ABI3BP: variants seen among roughly 807,000 people sequenced by gnomAD.
ABI3BP encodes the protein ABI family member 3 binding protein, also known as target of Nesh-SH3.
A neutral mutation model predicts 268.6 loss-of-function variants in ABI3BP; 216 were observed. The ratio of observed to expected loss-of-function variants is 0.80; its 90% confidence interval spans 0.72 to 0.90. The LOEUF (loss-of-function observed/expected upper bound fraction) is 0.90. ABI3BP is among the 40% of genes least tolerant of loss of function. The pLI is 0.00. For missense variants in ABI3BP, 2,090 were observed against 2,182.4 expected (o/e 0.96, Z 0.84); for synonymous variants, 730 against 730.0 (o/e 1.00, Z 0.00).
intron 1 of ABI3BP, among the ~76,000 whole-genome samples, chr3:100,963,504 C>T (rs139592449): frequency 1.2e-4 from 19 of 152,300 alleles, no homozygotes; most frequent in African/African-American, 2.4e-4. Flanking sequence ...TCAGCTACTA[C>T]GATAGACTCT....
chr3:100,931,884 G>T (rs1190678691), intron 1 of ABI3BP, among the ~76,000 whole-genome samples: 1 of 151,854 alleles, frequency 6.6e-6, no homozygotes, highest in Non-Finnish European at 1.5e-5. Flanking sequence ...CCACAAAACA[G>T]CCCAAGTAGC....
intron 9 of ABI3BP, among the ~76,000 whole-genome samples, chr3:100,871,454 C>T (rs1183782855): frequency 6.6e-6 from 1 of 152,046 alleles, no homozygotes; most frequent in Non-Finnish European, 1.5e-5. Context: ...TGGCTGTGTC[C>T]CCACAAATCT....
chr3:100,908,002 A>G (rs2713761), intron 2 of ABI3BP, among the ~76,000 whole-genome samples: 151,846 of 151,884 alleles, frequency 1, 75,904 homozygotes, highest in Non-Finnish European at 1. Flanking sequence ...TGTTGTCCCA[A>G]CTACTCGGGA....
intron 51 of ABI3BP, among the ~76,000 whole-genome samples, chr3:100,798,899 C>T (rs1023041665): frequency 4.6e-5 from 7 of 152,112 alleles, no homozygotes; most frequent in African/African-American, 1.7e-4. Context: ...TTCCTTTATT[C>T]TAACCTTGTA....
chr3:100,855,940 C>CA (rs1010659126), intron 14 of ABI3BP, among the ~76,000 whole-genome samples: 1 of 152,140 alleles, frequency 6.6e-6, no homozygotes, highest in Non-Finnish European at 1.5e-5. Context: ...ATATTGCCTG[C>CA]AAGAAAATAT....
chr3:100,862,716 C>G, intron 13 of ABI3BP, 122 bp downstream of exon 13: 1 of 678,768 alleles, frequency 1.5e-6, no homozygotes, highest in Non-Finnish European at 2.3e-6. Flanking sequence ...TCAAATCAAC[C>G]ATTTGTTTGC....
intron 1 of ABI3BP, among the ~76,000 whole-genome samples, chr3:100,964,459 G>A (rs1292904240): frequency 6.6e-6 from 1 of 152,134 alleles, no homozygotes; most frequent in East Asian, 1.9e-4. Context: ...TCTCTATGGA[G>A]AGCGCTGTTG....
rs1553708523 is a variant in ABI3BP, at chr3:100,749,318, C to CAA, written c.*1175_*1176dup. Reference sequence around the variant, plus strand: ...ATACTGATGAACCATTCAGAAATAACAAACAAAAACTCAATCTTAAAAAAA... The same window carrying CAA: ...ATACTGATGAACCATTCAGAAATAACAAAAACAAAAACTCAATCTTAAAAAAA... On this transcript the variant is annotated 3_prime_UTR_variant, in exon 68 of 68. Coordinates refer to ENST00000471714, the MANE Select transcript of ABI3BP (RefSeq NM_001375547.2). 2.6e-4 allele frequency: 17 copies of CAA among 65,014 alleles called. No individual in the cohort carries two copies. The highest frequency in any genetic ancestry group is 3.3e-4 in the Non-Finnish European group (12 of 36,418). The allele number at this position is 65,014 out of a possible 1,614,324, so 4.0% of individuals were successfully genotyped here.
intron 66 of ABI3BP, 93 bp from the exon 67 acceptor site, chr3:100,751,767 C>T (rs1394257189): frequency 2.3e-6 from 3 of 1,288,294 alleles, no homozygotes; most frequent in Non-Finnish European, 3.1e-6. Context: ...GTACTTTCTC[C>T]CCTCATTCTC....
At chr3:100,914,468 A>G (rs2057900602) in intron 2 of ABI3BP, 1 of 455,064 alleles carries the variant, frequency 2.2e-6, no homozygotes, top group Admixed American at 2.4e-5. Flanking sequence ...CAATGCAAAA[A>G]TGACTAGGAA....
At chr3:100,991,898 T>A (rs2092993314) in intron 1 of ABI3BP, among the ~76,000 whole-genome samples, 1 of 152,206 alleles carries the variant, frequency 6.6e-6, no homozygotes, top group Non-Finnish European at 1.5e-5. Context: ...AAGTTGCACC[T>A]ATATCATCCC....
intron 44 of ABI3BP, among the ~76,000 whole-genome samples, chr3:100,814,573 GA>G (rs2097958880): frequency 6.6e-6 from 1 of 152,064 alleles, no homozygotes. Context: ...CTCATAGGAG[GA>G]AATTGCTCTA....
intron 66 of ABI3BP, 128 bp from the exon 67 acceptor site, chr3:100,751,802 T>C (rs1375691903): frequency 1.1e-6 from 1 of 915,356 alleles, no homozygotes; most frequent in Non-Finnish European, 1.5e-6. Flanking sequence ...AAACCAACAA[T>C]GTTTCTTGCC....
intron 1 of ABI3BP, among the ~76,000 whole-genome samples, chr3:100,938,038 C>A (rs1443904783): frequency 6.6e-6 from 1 of 151,986 alleles, no homozygotes; most frequent in African/African-American, 2.4e-5. Context: ...GGTAAACGAA[C>A]ACAAGAACAG....
chr3:100,845,156 T>G (rs1396413276), intron 20 of ABI3BP, among the ~76,000 whole-genome samples: 1 of 152,222 alleles, frequency 6.6e-6, no homozygotes, highest in African/African-American at 2.4e-5. Context: ...ACAGCATAGT[T>G]ACTACTCTAT....
At chr3:100,886,094 GA>G (rs778348136) in intron 5 of ABI3BP, 47 bp downstream of exon 5, 31 of 1,450,712 alleles carry the variant, frequency 2.1e-5, no homozygotes, top group African/African-American at 5.8e-5. Flanking sequence ...AGGTAACTAA[GA>G]AAAAAATTAT....
At chr3:100,888,375 C>T (rs140207228) in intron 4 of ABI3BP, among the ~76,000 whole-genome samples, 285 of 152,110 alleles carry the variant, frequency 1.9e-3, no homozygotes, top group African/African-American at 6.6e-3. Flanking sequence ...ATTTTTTCCC[C>T]GTCCTGGCTC....
intron 2 of ABI3BP, among the ~76,000 whole-genome samples, chr3:100,920,602 T>C (rs1185512752): frequency 1.3e-5 from 2 of 152,072 alleles, no homozygotes; most frequent in Non-Finnish European, 2.9e-5. Flanking sequence ...TTTGCATTTT[T>C]AGTAATGACA....
At chr3:100,968,316 GCACTTGGAAAGA>G (rs1257984598) in intron 1 of ABI3BP, among the ~76,000 whole-genome samples, 5 of 152,114 alleles carry the variant, frequency 3.3e-5, no homozygotes, top group African/African-American at 1.2e-4. Flanking sequence ...CTCTTTTAAA[GCACTTGGAAAGA>G]GAACAGGGAT....
Sources: allele counts gnomAD v4.1 joint callset (sites outside exome capture counted in the v4.1 genomes callset), GRCh38; gene constraint gnomAD v4.1.1; transcripts MANE v1.5; gene names NCBI Gene and HGNC (gene_info 2026-07-23, HGNC 2026-07-21).